Variants in NALCN observed in about 807,000 individuals in gnomAD.
NALCN encodes the protein sodium leak channel NALCN.
In NALCN, 111 loss-of-function variants were observed where a neutral mutation model predicts 225.3. The ratio of observed to expected loss-of-function variants is 0.49; its 90% CI spans 0.42 to 0.58. The LOEUF (loss-of-function observed/expected upper bound fraction) is 0.58, where lower values mean the gene tolerates loss of function less well. Among genes scored for constraint, NALCN ranks in the 20% least tolerant of loss-of-function variants. The pLI is 0.00. For synonymous variants in NALCN, 764 were observed against 769.0 expected (o/e 0.99, Z 0.11); for missense variants, 1,378 against 2,202.4 (o/e 0.63, Z 7.49).
At chr13:101,284,300 A>G (rs925456850) in intron 9 of NALCN, among the ~76,000 whole-genome samples, 1 of 152,224 alleles carries the variant, frequency 6.6e-6, no homozygotes, top group Non-Finnish European at 1.5e-5. Context: ...TCTTCTCCAC[A>G]AGAGAAATAC....
chr13:101,291,723 A>T (rs2043559252), intron 9 of NALCN, among the ~76,000 whole-genome samples: 1 of 151,780 alleles, frequency 6.6e-6, no homozygotes, highest in Non-Finnish European at 1.5e-5. Flanking sequence ...AATTTTTAAA[A>T]TTTTTTTGTA....
rs376022045 is a variant in NALCN, at chr13:101,271,970, ATG to A, written c.1134+11961_1134+11962del. Among the ~76,000 whole-genome samples, 117 of 136,884 alleles carry A rather than the reference ATG, an allele frequency of 8.5e-4. 2 individuals are homozygous for A. The highest frequency in any genetic ancestry group is 2.7e-3 in the African/African-American group (102 of 37,854). The allele number at this position is 136,884 out of a possible 152,430, so 89.8% of individuals were successfully genotyped here. On this transcript the variant is annotated intron_variant, in intron 10 of 43. Transcript: ENST00000251127. ...TGTGCATGAGCATGTGCGTGTAGAT[ATG>A]TGTGTGTGCCTGTGTGCATGTGTGT... is the stretch of plus-strand genomic sequence containing the variant.
At chr13:101,067,867 G>A (rs768256045) in intron 39 of NALCN, 51 bp downstream of exon 39, 1 of 1,249,506 alleles carries the variant, frequency 8.0e-7, no homozygotes, top group Non-Finnish European at 1.2e-6. Context: ...TTTGAGACAT[G>A]TTGATAAGTC....
chr13:101,133,662 G>T (rs894321267), intron 17 of NALCN, among the ~76,000 whole-genome samples: 2 of 152,040 alleles, frequency 1.3e-5, no homozygotes, highest in South Asian at 4.2e-4. Flanking sequence ...CATGTGTGTG[G>T]CAAGATGTTT....
At chr13:101,408,162 T>C (rs1471200790) in intron 1 of NALCN, among the ~76,000 whole-genome samples, 2 of 152,168 alleles carry the variant, frequency 1.3e-5, no homozygotes, top group Non-Finnish European at 2.9e-5. Context: ...TTTCAAGTCT[T>C]TGTAAATAGA....
chr13:101,081,467 T>G, intron 34 of NALCN, 60 bp downstream of exon 34: 1 of 1,608,826 alleles, frequency 6.2e-7, no homozygotes, highest in Non-Finnish European at 8.5e-7. Flanking sequence ...GAAACAGGAC[T>G]GAGCAGAACT....
intron 13 of NALCN, among the ~76,000 whole-genome samples, chr13:101,214,708 T>C (rs1224613839): frequency 3.3e-5 from 5 of 152,104 alleles, no homozygotes; most frequent in Non-Finnish European, 7.4e-5. Context: ...CTGCTAGACT[T>C]TGGTTTTTAA....
chr13:101,361,086 A>T (rs2139364756), intron 6 of NALCN, among the ~76,000 whole-genome samples: 1 of 152,322 alleles, frequency 6.6e-6, no homozygotes, highest in African/African-American at 2.4e-5. Context: ...TGTGGCTTGG[A>T]ATCAGTATTT....
At chr13:101,395,417 C>T (rs1350747639) in intron 2 of NALCN, 52 bp from the exon 3 acceptor site, 3 of 1,556,064 alleles carry the variant, frequency 1.9e-6, no homozygotes, top group Non-Finnish European at 2.6e-6. Context: ...ATATCTCAAA[C>T]TTGTATTATG....
At chr13:101,389,731 CCAAA>C in intron 3 of NALCN, among the ~76,000 whole-genome samples, 1 of 152,248 alleles carries the variant, frequency 6.6e-6, no homozygotes, top group South Asian at 2.1e-4. Flanking sequence ...AGAAGAACAA[CCAAA>C]CAAACGGATC....
At chr13:101,238,988 TTTTTAA>T (rs1168410327) in intron 11 of NALCN, among the ~76,000 whole-genome samples, 1 of 151,986 alleles carries the variant, frequency 6.6e-6, no homozygotes, top group Non-Finnish European at 1.5e-5. Flanking sequence ...TTCTAGTTGC[TTTTTAA>T]TTTTAATTGC....
At position 101,297,113 on chromosome 13, in the gene NALCN, T is replaced by C. The variant is rs574290682; in HGVS notation, c.800-4747A>G. On this transcript the variant is annotated intron_variant, in intron 7 of 43. Coordinates refer to ENST00000251127, the MANE Select transcript of NALCN (RefSeq NM_052867.4). ...TATTTGTGTTTTGGGAGTACTCCCA[T>C]TTGTTTCTTCTAGTCTTAGGTTACA... Among the ~76,000 whole-genome samples, 459 of 152,354 alleles carry C rather than the reference T, an allele frequency of 3.0e-3. 1 individual carries two copies. The highest frequency in any genetic ancestry group is 4.1e-3 in the Non-Finnish European group (276 of 68,034).
intron 1 of NALCN, among the ~76,000 whole-genome samples, chr13:101,405,731 G>A (rs1445890504): frequency 6.6e-6 from 1 of 152,114 alleles, no homozygotes; most frequent in African/African-American, 2.4e-5. Context: ...CAATCATCAC[G>A]ACAATTTAAG....
At position 101,083,601 on chromosome 13, in the gene NALCN, G is replaced by A. The variant is rs2033776304; in HGVS notation, c.3583+110C>T. On this transcript the variant is annotated intron_variant, in intron 31 of 43. Coordinates refer to ENST00000251127, the MANE Select transcript of NALCN (RefSeq NM_052867.4). Reference sequence around the variant, plus strand: ...GGAGCCTGTTTCTGTATTACCTTATGCACAACCTCCCAGCGGCCTCACGAT... The same window carrying A: ...GGAGCCTGTTTCTGTATTACCTTATACACAACCTCCCAGCGGCCTCACGAT... The A allele has an allele frequency of 7.7e-6, 8 of 1,041,898 alleles. No individual in the cohort carries two copies. In the East Asian group the frequency reaches 2.1e-4, roughly 27 times the overall value. The allele number at this position is 1,041,898 out of a possible 1,614,324, so 64.5% of individuals were successfully genotyped here.
chr13:101,394,415 G>C (rs1273671133), intron 3 of NALCN, among the ~76,000 whole-genome samples: 2 of 152,144 alleles, frequency 1.3e-5, no homozygotes. Context: ...CAACCAGTAA[G>C]TGAAAGAACT....
chr13:101,087,478 C>CT (rs1454399114), intron 30 of NALCN, among the ~76,000 whole-genome samples: 17 of 102,736 alleles, frequency 1.7e-4, no homozygotes, highest in Admixed American at 4.7e-4. Context: ...GAGCTGCTTT[C>CT]TAAAAAAAAA....
At chr13:101,339,349 G>A (rs1326603073) in intron 7 of NALCN, among the ~76,000 whole-genome samples, 3 of 152,150 alleles carry the variant, frequency 2.0e-5, no homozygotes, top group Non-Finnish European at 4.4e-5. Flanking sequence ...CTACTACTCA[G>A]GAAGCTTGCA....
rs1299673067 is a variant in NALCN at position 101,144,430 on chromosome 13, C to T, written c.1976+330G>A. On this transcript the variant is annotated intron_variant, in intron 16 of 43. Coordinates refer to ENST00000251127, the MANE Select transcript of NALCN (RefSeq NM_052867.4). ...GTTGGGGTCTGAGATTGATGTCTACCTGCCATCCCTGCAACACTGAGCAGC... is the reference window on the plus strand; with the variant it reads ...GTTGGGGTCTGAGATTGATGTCTACTTGCCATCCCTGCAACACTGAGCAGC... Among the ~76,000 whole-genome samples, 4 of 152,288 alleles carry T rather than the reference C, an allele frequency of 2.6e-5. No homozygotes were observed. In the East Asian group the frequency reaches 7.7e-4, roughly 29 times the overall value.
At chr13:101,095,747 T>C (rs2034469623) in intron 27 of NALCN, 67 bp from the exon 28 acceptor site, 2 of 1,293,752 alleles carry the variant, frequency 1.5e-6, no homozygotes, top group Non-Finnish European at 1.1e-6. Flanking sequence ...AGATAAAGGA[T>C]AGGAAACTCT....
Sources: gnomAD v4.1 joint callset for allele counts (sites outside exome capture counted in the v4.1 genomes callset) on GRCh38, gnomAD v4.1.1 for gene constraint, MANE v1.5 for transcripts, NCBI Gene and HGNC (gene_info 2026-07-23, HGNC 2026-07-21) for gene names.